The following DPRX variants were observed in gnomAD, a reference collection of about 807,000 sequenced individuals.
DPRX encodes divergent-paired related homeobox, also known as divergent paired-related homeobox.
DPRX carries 11 observed loss-of-function variants against 8.4 expected under a neutral mutation model. The observed-to-expected ratio is 1.31, with a 90% CI of 0.82 to 2.17. The LOEUF is 2.17. DPRX is among the 30% of genes most tolerant of loss of function. The probability of loss-of-function intolerance (pLI) is 0.00; values close to 1 mark genes in which losing one functional copy is unlikely to be tolerated. For synonymous variants in DPRX, 72 were observed against 87.0 expected (o/e 0.83, Z 0.96); for missense variants, 211 against 236.7 (o/e 0.89, Z 0.71).
the DPRX span, among the ~76,000 whole-genome samples, chr19:53,622,321 C>T: frequency 1.2e-4 from 18 of 152,088 alleles, no homozygotes; most frequent in South Asian, 8.3e-4. Context: ...AAAATGTCAG[C>T]GTCACATATT....
chr19:53,624,344 C>A, the DPRX span, among the ~76,000 whole-genome samples: 1 of 58,398 alleles, frequency 1.7e-5, no homozygotes, highest in East Asian at 4.3e-4. Context: ...CCTCCCTGGC[C>A]TCCCAAAGGG....
At chr19:53,609,583 C>T in the DPRX span, among the ~76,000 whole-genome samples, 1 of 150,118 alleles carries the variant, frequency 6.7e-6, no homozygotes, top group Non-Finnish European at 1.5e-5. Context: ...ACGTGTGTAC[C>T]GGCTGGCCAC....
At chr19:53,618,386 G>T in the DPRX span, among the ~76,000 whole-genome samples, 1 of 151,794 alleles carries the variant, frequency 6.6e-6, no homozygotes, top group Non-Finnish European at 1.5e-5. Flanking sequence ...GATTATTTCA[G>T]ATAGGTATGT....
At chr19:53,617,719 T>C in the DPRX span, among the ~76,000 whole-genome samples, 4 of 152,166 alleles carry the variant, frequency 2.6e-5, no homozygotes, top group Admixed American at 1.3e-4. Flanking sequence ...GGAAGTGTAT[T>C]GAAGCTTGGA....
the DPRX span, among the ~76,000 whole-genome samples, chr19:53,621,844 G>C: frequency 6.6e-6 from 1 of 152,036 alleles, no homozygotes; most frequent in Admixed American, 6.6e-5. Context: ...TCTTAGGCAC[G>C]CATTTGTAGG....
At chr19:53,634,064 C>T (rs1424631508) in intron 1 of DPRX, among the ~76,000 whole-genome samples, 3 of 152,224 alleles carry the variant, frequency 2.0e-5, no homozygotes, top group African/African-American at 2.4e-5. Context: ...GTTGTCCTCC[C>T]GCTTCAGCCT....
the DPRX span, among the ~76,000 whole-genome samples, chr19:53,603,869 C>A: frequency 6.6e-6 from 1 of 151,724 alleles, no homozygotes; most frequent in Non-Finnish European, 1.5e-5. Flanking sequence ...CCTCGGCCTC[C>A]TGAGTAGCTG....
chr19:53,605,436 G>T, the DPRX span, among the ~76,000 whole-genome samples: 1 of 150,842 alleles, frequency 6.6e-6, no homozygotes. Context: ...GAGGGCAGTG[G>T]CGCGATCTTA....
chr19:53,605,437 C>T, the DPRX span, among the ~76,000 whole-genome samples: 17 of 148,996 alleles, frequency 1.1e-4, no homozygotes, highest in African/African-American at 1.7e-4. Flanking sequence ...AGGGCAGTGG[C>T]GCGATCTTAG....
chr19:53,630,766 A>G (rs969508525), upstream of DPRX, among the ~76,000 whole-genome samples: 1 of 152,090 alleles, frequency 6.6e-6, no homozygotes, highest in African/African-American at 2.4e-5. Flanking sequence ...CACTTCTGTG[A>G]ACCTGAAGTC....
At chr19:53,636,469 TAA>T in intron 2 of DPRX, 125 bp from the exon 3 acceptor site, 1 of 818,294 alleles carries the variant, frequency 1.2e-6, no homozygotes, top group Non-Finnish European at 1.6e-6. Flanking sequence ...ACTTAAAGGT[TAA>T]AAAAAAGAAT....
chr19:53,631,943 G>C (rs1054621075), upstream of DPRX: 1 of 856,160 alleles, frequency 1.2e-6, no homozygotes, highest in African/African-American at 1.7e-5. Context: ...GAAATCCAGG[G>C]GGCTCTGGAG....
the DPRX span, among the ~76,000 whole-genome samples, chr19:53,608,879 T>A: frequency 7.4e-6 from 1 of 134,436 alleles, no homozygotes; most frequent in Non-Finnish European, 1.5e-5. Flanking sequence ...GGTGTGAAGC[T>A]GGGAGGCAGA....
At chr19:53,607,500 G>A in the DPRX span, among the ~76,000 whole-genome samples, 1 of 152,098 alleles carries the variant, frequency 6.6e-6, no homozygotes, top group Non-Finnish European at 1.5e-5. Flanking sequence ...AGCCATGATC[G>A]TGCTACTGCA....
chr19:53,626,294 G>A, the DPRX span, among the ~76,000 whole-genome samples: 6 of 152,046 alleles, frequency 3.9e-5, 1 homozygote, highest in East Asian at 7.8e-4. Context: ...GGCTAGGCTG[G>A]TCTCACACTC....
the DPRX span, among the ~76,000 whole-genome samples, chr19:53,612,082 T>C: frequency 6.7e-6 from 1 of 150,098 alleles, no homozygotes; most frequent in Admixed American, 6.7e-5. Context: ...AGACTCCACC[T>C]CAAAAAAAAA....
the DPRX span, among the ~76,000 whole-genome samples, chr19:53,609,034 A>G: frequency 1.3e-5 from 2 of 151,784 alleles, no homozygotes; most frequent in African/African-American, 4.8e-5. Flanking sequence ...GAAAGACCTT[A>G]CAATTCATTT....
At chr19:53,616,503 C>T in the DPRX span, among the ~76,000 whole-genome samples, 3 of 151,988 alleles carry the variant, frequency 2.0e-5, no homozygotes, top group Non-Finnish European at 2.9e-5. Flanking sequence ...GCCTGTAATC[C>T]CAGCACTTTG....
chr19:53,601,946 T>G, the DPRX span: 1 of 446,120 alleles, frequency 2.2e-6, no homozygotes, highest in Non-Finnish European at 4.5e-6. Context: ...GCTTGAGGCA[T>G]GCAGAGTCCA....
Sources: allele counts gnomAD v4.1 joint callset (sites outside exome capture counted in the v4.1 genomes callset), GRCh38; gene constraint gnomAD v4.1.1; transcripts MANE v1.5; gene names NCBI Gene and HGNC (gene_info 2026-07-23, HGNC 2026-07-21).